The following PPM1H variants were observed in gnomAD, a reference collection of about 807,000 sequenced individuals.
PPM1H encodes protein phosphatase 1H.
In PPM1H, 27 loss-of-function variants were observed where a neutral mutation model predicts 54.9. The ratio of observed to expected loss-of-function variants is 0.49; its 90% confidence interval spans 0.36 to 0.68. The LOEUF (loss-of-function observed/expected upper bound fraction) is 0.68, where lower values mean the gene tolerates loss of function less well. Among genes scored for constraint, PPM1H ranks in the 30% least tolerant of loss-of-function variants. The pLI is 0.00. For missense variants in PPM1H, 596 were observed against 667.8 expected (o/e 0.89, Z 1.19); for synonymous variants, 305 against 270.8 (o/e 1.13, Z -1.24).
chr12:62,720,222 C>T lies in PPM1H; in HGVS notation c.1022G>A (p.Arg341Lys). 6.2e-7 allele frequency: 1 copy of T among 1,613,812 alleles called. No homozygotes were observed. The highest frequency in any genetic ancestry group is 8.5e-7 in the Non-Finnish European group (1 of 1,179,708). The change falls in exon 6 of 10, where the codon AGA (arginine) becomes AAA (lysine). Residue 341 changes from arginine (R) to lysine (K), a missense_variant. Coordinates refer to ENST00000228705, the MANE Select transcript of PPM1H (RefSeq NM_020700.2). Reference sequence around the variant, plus strand: ...GAGCATCTTCTTTCCAAGCTCCTTTCTCTGTACTCTCCTTGGAAACTCCAA... The same window carrying T: ...GAGCATCTTCTTTCCAAGCTCCTTTTTCTGTACTCTCCTTGGAAACTCCAA... Reference protein sequence around the residue: ...THLEFPRRVQRKELGKKMLYR... With the variant: ...THLEFPRRVQKKELGKKMLYR...
chr12:62,926,243 A>C (rs946154324), intron 1 of PPM1H, among the ~76,000 whole-genome samples: 1 of 152,230 alleles, frequency 6.6e-6, no homozygotes, highest in African/African-American at 2.4e-5. Flanking sequence ...ATAGCTTTCT[A>C]GTTCAGGGTT....
At chr12:62,887,320 T>G (rs990564591) in intron 1 of PPM1H, among the ~76,000 whole-genome samples, 1 of 152,254 alleles carries the variant, frequency 6.6e-6, no homozygotes, top group Non-Finnish European at 1.5e-5. Context: ...ATCTACCATG[T>G]GTCAGTTACA....
intron 1 of PPM1H, among the ~76,000 whole-genome samples, chr12:62,919,163 T>C (rs994395313): frequency 2.6e-5 from 4 of 152,202 alleles, no homozygotes; most frequent in Non-Finnish European, 4.4e-5. Context: ...TGTAGCACTT[T>C]GGAAAGCAAG....
chr12:62,755,828 G>A (rs1437058083), intron 4 of PPM1H: 6 of 817,624 alleles, frequency 7.3e-6, no homozygotes, highest in Admixed American at 1.8e-5. Context: ...TGACAGCCAC[G>A]GCGCTCTCCA....
chr12:62,796,994 G>T (rs1183966176), intron 3 of PPM1H, among the ~76,000 whole-genome samples: 1 of 152,154 alleles, frequency 6.6e-6, no homozygotes, highest in African/African-American at 2.4e-5. Flanking sequence ...GATACAAAAA[G>T]ATACTTATCA....
intron 9 of PPM1H, among the ~76,000 whole-genome samples, chr12:62,655,560 T>A (rs2075839322): frequency 6.6e-6 from 1 of 152,194 alleles, no homozygotes; most frequent in African/African-American, 2.4e-5. Context: ...AAAGGAGAAC[T>A]GTAGAAAGTA....
In PPM1H at chr12:62,689,755, G is replaced by T. The variant is rs1351096698; in HGVS notation, c.1189C>A (p.Leu397Met). 3.7e-6 allele frequency: 6 copies of T among 1,613,852 alleles called. No individual in the cohort carries two copies. In the South Asian group the frequency reaches 5.5e-5, roughly 15 times the overall value. ...GVTRGLGDHDLKVHDSNIYIK... is the reference protein window; with the variant it reads ...GVTRGLGDHDMKVHDSNIYIK... ...TAGATGTTGGAGTCATGCACCTTCA[G>T]GTCATGGTCCCCAAGTCCCCTGGTC... Residue 397 changes from leucine (L) to methionine (M), a missense_variant, in exon 8 of 10, where the codon CTG becomes ATG. This residue lies in a region of PPM1H where 208 missense variants were observed against 259.5 expected (regional missense o/e 0.80). Coordinates refer to ENST00000228705, the MANE Select transcript of PPM1H (RefSeq NM_020700.2).
At position 62,802,060 on chromosome 12, in the gene PPM1H, G is replaced by C. The variant is rs201631911; in HGVS notation, c.512C>G (p.Thr171Arg). The C allele has an allele frequency of 1.6e-4, 259 of 1,613,298 alleles. No homozygotes were observed. In the African/African-American group the frequency reaches 2.5e-3, roughly 16 times the overall value. ...GTCCACGATGTCCTGCAGCTGCTCC[G>C]TGATGTGGTGCTGCAGCAGGCGTGA... Reference protein sequence around the residue: ...VASRLLQHHITEQLQDIVDIL... With the variant: ...VASRLLQHHIREQLQDIVDIL... The change falls in exon 3 of 10, where the codon ACG becomes AGG. Residue 171 changes from threonine to arginine, a missense_variant. Thr to Arg is a moderately conservative substitution (Grantham distance 71, BLOSUM62 -1). Around this residue, in one of 3 missense-constraint regions of PPM1H, gnomAD observed 382 missense variants for 387.1 expected, o/e 0.99. Coordinates refer to ENST00000228705, the MANE Select transcript of PPM1H (RefSeq NM_020700.2).
chr12:62,878,338 T>C (rs925493750), intron 1 of PPM1H, among the ~76,000 whole-genome samples: 3 of 152,066 alleles, frequency 2.0e-5, no homozygotes, highest in Non-Finnish European at 4.4e-5. Context: ...TGGCACACGA[T>C]GGAGATGGAA....
At chr12:62,709,326 G>A (rs184123203) in intron 6 of PPM1H, among the ~76,000 whole-genome samples, 34 of 152,244 alleles carry the variant, frequency 2.2e-4, no homozygotes, top group African/African-American at 8.2e-4. Context: ...GTAAATAAAG[G>A]GTTAATGCCT....
chr12:62,909,290 A>G (rs1260466317), intron 1 of PPM1H, among the ~76,000 whole-genome samples: 1 of 152,150 alleles, frequency 6.6e-6, no homozygotes, highest in Non-Finnish European at 1.5e-5. Flanking sequence ...TGCTAGCTAC[A>G]ATTTACCTCC....
intron 6 of PPM1H, among the ~76,000 whole-genome samples, chr12:62,694,235 C>G (rs2270483): frequency 0.14 from 21,559 of 151,970 alleles, 1,795 homozygotes; most frequent in East Asian, 0.32. Flanking sequence ...TTGGCATATG[C>G]ATAATTAGCA....
intron 1 of PPM1H, among the ~76,000 whole-genome samples, chr12:62,843,738 T>TA (rs1868845110): frequency 6.6e-6 from 1 of 152,130 alleles, no homozygotes; most frequent in Non-Finnish European, 1.5e-5. Context: ...AAGTACTTTT[T>TA]AAAAAAAGTA....
chr12:62,843,051 C>T (rs1868813990), intron 1 of PPM1H, among the ~76,000 whole-genome samples: 1 of 152,230 alleles, frequency 6.6e-6, no homozygotes, highest in South Asian at 2.1e-4. Flanking sequence ...CATGGTGGCT[C>T]ACGCTTGTAA....
Position 62,832,010 on chromosome 12 carries a change from C to G in PPM1H, c.411+104G>C, listed in dbSNP as rs747762685. On this transcript the variant is annotated intron_variant, in intron 2 of 9. Transcript: ENST00000228705. Reference sequence around the variant, plus strand: ...CCACTAACTCTGGGGACACTGCTTTCTCACTTCCATTCCAGATTTAGGTGA... The same window carrying G: ...CCACTAACTCTGGGGACACTGCTTTGTCACTTCCATTCCAGATTTAGGTGA... The G allele has an allele frequency of 2.5e-5, 34 of 1,368,328 alleles. No homozygotes were observed. In the East Asian group the frequency reaches 6.7e-4, roughly 27 times the overall value. 84.8% of individuals were successfully genotyped at this position (1,368,328 alleles called of 1,614,324 possible). A position where few individuals can be genotyped will look rare whatever the true frequency, so the allele number is the denominator to read the frequency against.
chr12:62,779,803 C>T (rs2076630985), intron 4 of PPM1H, among the ~76,000 whole-genome samples: 2 of 152,220 alleles, frequency 1.3e-5, no homozygotes, highest in Non-Finnish European at 1.5e-5. Context: ...GCCTTACCAC[C>T]TTACCCCATA....
At chr12:62,733,423 T>A (rs1387562205) in intron 5 of PPM1H, among the ~76,000 whole-genome samples, 4 of 152,018 alleles carry the variant, frequency 2.6e-5, no homozygotes, top group Non-Finnish European at 5.9e-5. Context: ...CCCAGCTGAT[T>A]TTTTTTGGTA....
intron 1 of PPM1H, among the ~76,000 whole-genome samples, chr12:62,859,765 C>A (rs1420535273): frequency 6.6e-6 from 1 of 152,172 alleles, no homozygotes; most frequent in African/African-American, 2.4e-5. Flanking sequence ...TCCCAAGGGA[C>A]AAAGCCCCTG....
At chr12:62,785,966 C>G (rs2120696195) in intron 4 of PPM1H, among the ~76,000 whole-genome samples, 1 of 152,154 alleles carries the variant, frequency 6.6e-6, no homozygotes, top group Non-Finnish European at 1.5e-5. Flanking sequence ...TAACTTCTGA[C>G]TCAGGTCATC....
Sources: allele counts gnomAD v4.1 joint callset (sites outside exome capture counted in the v4.1 genomes callset), GRCh38; gene constraint gnomAD v4.1.1; regional missense constraint gnomAD v4.1.1; transcripts MANE v1.5; gene names NCBI Gene and HGNC (gene_info 2026-07-23, HGNC 2026-07-21).